The following CFAP410 variants were observed in gnomAD, a reference collection of about 807,000 sequenced individuals.
CFAP410 encodes cilia- and flagella-associated protein 410.
A neutral mutation model predicts 25.7 loss-of-function variants in CFAP410; 27 were observed. The ratio of observed to expected loss-of-function variants is 1.05; its 90% CI spans 0.77 to 1.45. CFAP410 has a LOEUF of 1.45. Ranked by LOEUF, CFAP410 falls within the 40% of genes most tolerant of loss-of-function variation. The pLI, the probability that CFAP410 is intolerant of heterozygous loss-of-function variation, is 0.00. For missense variants in CFAP410, 428 were observed against 354.1 expected, an observed-to-expected ratio of 1.21 and a Z score of -1.67; for synonymous variants, 178 against 158.4, an observed-to-expected ratio of 1.12 and a Z score of -0.93.
chr21:44,339,247 G>T lies in CFAP410; in HGVS notation c.-53C>A. The T allele has an allele frequency of 1.7e-6, 2 of 1,191,852 alleles. No individual in the cohort carries two copies. Among genetic ancestry groups the T allele is most frequent in the African/African-American group, 1.6e-5 (1 of 61,426 alleles). The allele number at this position is 1,191,852 out of a possible 1,614,324, so 73.8% of individuals were successfully genotyped here. ...CGCCCCCGGCCTCCTGATCCCGGGC[G>T]GGTGACGACTGCGCGGCGCGTGTCT... On this transcript the variant is annotated 5_prime_UTR_variant, in exon 1 of 7. Coordinates refer to ENST00000339818, the MANE Select transcript of CFAP410 (RefSeq NM_004928.3).
At chr21:44,331,410 G>T in intron 5 of CFAP410, 1 of 240,736 alleles carries the variant, frequency 4.2e-6, no homozygotes, top group Non-Finnish European at 8.0e-6. Flanking sequence ...AGGCGCCGGC[G>T]TCTCACTGCA....
At chr21:44,331,703 G>A (rs1457108429) in intron 5 of CFAP410, 140 bp downstream of exon 5, 6 of 771,140 alleles carry the variant, frequency 7.8e-6, no homozygotes, top group South Asian at 1.9e-5. Context: ...GAATATGGAT[G>A]AGAACAGACA....
chr21:44,333,135 CCCGCAGACGCGGCAG>C lies in CFAP410; in HGVS notation c.256_270del (p.Leu86_Arg90del). On this transcript the variant is annotated inframe_deletion, in exon 4 of 7. Coordinates refer to ENST00000339818, the MANE Select transcript of CFAP410 (RefSeq NM_004928.3). The stretch of plus-strand genomic sequence containing the variant: ...CACGGGTTCTCGGCCAGCCACAGCA[CCCGCAGACGCGGCAG>C]CCCCTTCAGGTAGAAGAGCTCAGCC... 6.2e-7 allele frequency: 1 copy of C among 1,612,190 alleles called. No individual in the cohort carries two copies. Among genetic ancestry groups the C allele is most frequent in the South Asian group, 1.1e-5 (1 of 91,008 alleles).
chr21:44,337,580 TACA>T, intron 2 of CFAP410, 66 bp downstream of exon 2: 6 of 1,398,252 alleles, frequency 4.3e-6, no homozygotes, highest in South Asian at 1.2e-5. Context: ...GGAAAGAAGC[TACA>T]ACATTTGGGT....
At chr21:44,333,292 G>C (rs775668894) in intron 3 of CFAP410, 30 bp from the exon 4 acceptor site, 1 of 1,569,204 alleles carries the variant, frequency 6.4e-7, no homozygotes, top group South Asian at 1.1e-5. Flanking sequence ...GTCAGCGAGG[G>C]ACGTGGCCAG....
intron 4 of CFAP410, 104 bp downstream of exon 4, chr21:44,332,929 C>T: frequency 1.3e-6 from 1 of 792,340 alleles, no homozygotes; most frequent in Middle Eastern, 2.5e-4. Context: ...CTATGTCCCG[C>T]CAGACCAGGT....
chr21:44,339,085 C>A, intron 1 of CFAP410, 33 bp downstream of exon 1: 1 of 1,285,166 alleles, frequency 7.8e-7, no homozygotes, highest in Non-Finnish European at 1.0e-6. Flanking sequence ...CCTCCCCCCA[C>A]CCCGGGGCGG....
chr21:44,331,850 C>T lies in CFAP410; in HGVS notation c.538G>A (p.Glu180Lys). The part of the protein sequence containing the change: ...TGRDPLDSEE[E>K]ATSGAQDERG... ...GCTGCCCTCCAGCCTCACGTTGCCTCCTCCTCGCTGTCCAGCGGGTCCCGG... is the reference window on the plus strand; with the variant it reads ...GCTGCCCTCCAGCCTCACGTTGCCTTCTCCTCGCTGTCCAGCGGGTCCCGG... Residue 180 changes from glutamate to lysine, a missense_variant, in exon 5 of 7, where the codon GAG becomes AAG. Coordinates refer to ENST00000339818, the MANE Select transcript of CFAP410 (RefSeq NM_004928.3). The T allele has an allele frequency of 1.9e-6, 3 of 1,610,874 alleles. No individual in the cohort carries two copies. Among genetic ancestry groups the T allele is most frequent in the Non-Finnish European group, 2.5e-6 (3 of 1,179,546 alleles).
intron 3 of CFAP410, chr21:44,334,335 T>C (rs1056089967): frequency 4.4e-6 from 2 of 450,934 alleles, no homozygotes; most frequent in African/African-American, 4.0e-5. Context: ...GGGATAGGGC[T>C]GGATCCACAG....
Position 44,330,829 on chromosome 21 carries a change from C to T in CFAP410, c.636G>A (p.Arg212=). 1 of 1,601,102 alleles carries T rather than the reference C, an allele frequency of 6.2e-7. No homozygotes were observed. ...CTAGCGGCCCGCCACTCACCCTGCC[C>T]CTGTGGCTGCTCGAGGCATCCCTGG... ...LSARDASSSH[R]GRNVLTAILL... The change falls in exon 6 of 7, where the codon AGG becomes AGA. Residue 212 remains arginine, a synonymous_variant. Coordinates refer to ENST00000339818, the MANE Select transcript of CFAP410 (RefSeq NM_004928.3).
At chr21:44,332,143 C>T in intron 4 of CFAP410, 129 bp from the exon 5 acceptor site, 1 of 706,806 alleles carries the variant, frequency 1.4e-6, no homozygotes, top group Non-Finnish European at 2.2e-6. Flanking sequence ...GTGTATCCAC[C>T]TCCAGGGACA....
intron 3 of CFAP410, chr21:44,334,514 CG>C: frequency 8.4e-6 from 2 of 239,166 alleles, no homozygotes; most frequent in Non-Finnish European, 1.6e-5. Flanking sequence ...GGCGGGCACG[CG>C]CACCCCCCCC....
intron 1 of CFAP410, 42 bp from the exon 2 acceptor site, chr21:44,337,709 G>A (rs898492721): frequency 1.1e-5 from 18 of 1,576,868 alleles, no homozygotes; most frequent in Non-Finnish European, 1.6e-5. Context: ...TGTTAAAGTT[G>A]AATAAAAAAC....
chr21:44,333,550 G>T, intron 3 of CFAP410: 1 of 527,310 alleles, frequency 1.9e-6, no homozygotes, highest in South Asian at 2.9e-5. Flanking sequence ...TGCGGGAGGT[G>T]GGGGATGTGG....
At chr21:44,333,294 C>A in intron 3 of CFAP410, 32 bp from the exon 4 acceptor site, 1 of 1,563,752 alleles carries the variant, frequency 6.4e-7, no homozygotes, top group South Asian at 1.1e-5. Context: ...CAGCGAGGGA[C>A]GTGGCCAGGG....
chr21:44,335,975 GCGGCCC>G, intron 2 of CFAP410, 171 bp from the exon 3 acceptor site: 2 of 568,334 alleles, frequency 3.5e-6, no homozygotes, highest in East Asian at 6.0e-5. Flanking sequence ...CCTGAGGGGA[GCGGCCC>G]TGCTCAGCCA....
In CFAP410 at chr21:44,330,118, G is replaced by A; in HGVS notation, c.*80C>T. 1 of 1,462,416 alleles carries A rather than the reference G, an allele frequency of 6.8e-7. No individual in the cohort carries two copies. Among genetic ancestry groups the A allele is most frequent in the African/African-American group, 1.4e-5 (1 of 71,758 alleles). The allele number at this position is 1,462,416 out of a possible 1,614,324, so 90.6% of individuals were successfully genotyped here. A position where few individuals can be genotyped will look rare whatever the true frequency, so the allele number is the denominator to read the frequency against. On this transcript the variant is annotated 3_prime_UTR_variant, in exon 7 of 7. Coordinates refer to ENST00000339818, the MANE Select transcript of CFAP410 (RefSeq NM_004928.3). The stretch of plus-strand genomic sequence containing the variant: ...GTGTGGGGCCGGGGCTGCGGCCATG[G>A]CAGCCACCCTCCAGCTCCCGGGGGC...
intron 4 of CFAP410, chr21:44,332,261 C>G: frequency 2.2e-6 from 1 of 447,890 alleles, no homozygotes. Flanking sequence ...CCAGCCTTGG[C>G]CAGAAGCAAA....
intron 3 of CFAP410, 89 bp from the exon 4 acceptor site, chr21:44,333,351 T>C (rs763933450): frequency 1.6e-5 from 16 of 1,005,470 alleles, no homozygotes; most frequent in Non-Finnish European, 2.4e-5. Context: ...AAGGCACTCA[T>C]GGGACCTGTG....
Sources: gnomAD v4.1 joint callset for allele counts on GRCh38, gnomAD v4.1.1 for gene constraint, MANE v1.5 for transcripts, NCBI Gene and HGNC (gene_info 2026-07-23, HGNC 2026-07-21) for gene names.